The following KANK1 variants were observed in gnomAD, a reference collection of about 807,000 sequenced individuals.
KANK1 encodes KN motif and ankyrin repeat domains 1.
KANK1 carries 109 observed loss-of-function variants against 106.2 expected under a neutral mutation model. The observed-to-expected ratio is 1.03, with a 90% CI of 0.88 to 1.20. The LOEUF (loss-of-function observed/expected upper bound fraction) is 1.20, where lower values mean the gene tolerates loss of function less well. Among genes scored for constraint, KANK1 ranks in the 50% most tolerant of loss-of-function variants. The pLI is 0.00. For missense variants in KANK1, 2,399 were observed against 1,710.7 expected (o/e 1.40, Z -7.10); for synonymous variants, 873 against 652.2 (o/e 1.34, Z -5.16).
chr9:564,783 G>A (rs1817406367), intron 1 of KANK1, among the ~76,000 whole-genome samples: 1 of 152,154 alleles, frequency 6.6e-6, no homozygotes, highest in Non-Finnish European at 1.5e-5. Context: ...TCATATTCTT[G>A]AGAGTCAGCA....
intron 1 of KANK1, among the ~76,000 whole-genome samples, chr9:567,444 A>C (rs1471133332): frequency 6.6e-6 from 1 of 152,236 alleles, no homozygotes; most frequent in Non-Finnish European, 1.5e-5. Flanking sequence ...GTTAAACTAT[A>C]AACTAAATTT....
chr9:570,258 G>A (rs967231222), intron 1 of KANK1, among the ~76,000 whole-genome samples: 2 of 152,164 alleles, frequency 1.3e-5, no homozygotes, highest in African/African-American at 4.8e-5. Context: ...TTTTAAATCC[G>A]TAGCTGTATT....
intron 9 of KANK1, 93 bp downstream of exon 9, chr9:741,027 C>A: frequency 7.1e-7 from 1 of 1,414,812 alleles, no homozygotes; most frequent in Non-Finnish European, 9.6e-7. Context: ...ATAGATGCCA[C>A]GCTTCCACCA....
At chr9:495,016 A>T (rs10974821) in intron 3 of KANK1, among the ~76,000 whole-genome samples, 4,134 of 152,352 alleles carry the variant, frequency 0.027, 187 homozygotes, top group African/African-American at 0.09. Flanking sequence ...TAAGACAGCA[A>T]GTGCAAAGTA....
chr9:597,061 T>C (rs1343387998), intron 1 of KANK1, among the ~76,000 whole-genome samples: 1 of 151,976 alleles, frequency 6.6e-6, no homozygotes, highest in African/African-American at 2.4e-5. Flanking sequence ...TGTAATGTCT[T>C]AGCCATTTTA....
rs1441254524 is a variant in KANK1 at position 745,279 on chromosome 9, C to A, written c.*44C>A. The A allele has an allele frequency of 6.2e-7, 1 of 1,610,834 alleles. No individual in the cohort carries two copies. On this transcript the variant is annotated 3_prime_UTR_variant, in exon 12 of 12. Transcript: ENST00000382297. ...TTATTTACATGCCACTATTAAGCTG[C>A]TAATTGTTCCTGTTGGGGTGACAGA... is the stretch of plus-strand genomic sequence containing the variant.
chr9:630,853 G>A (rs1335313963), intron 1 of KANK1, among the ~76,000 whole-genome samples: 1 of 152,030 alleles, frequency 6.6e-6, no homozygotes, highest in Non-Finnish European at 1.5e-5. Flanking sequence ...TCCTTGGGAG[G>A]CTGAGGCACG....
At chr9:656,260 A>G (rs970290142) in intron 1 of KANK1, among the ~76,000 whole-genome samples, 1 of 152,166 alleles carries the variant, frequency 6.6e-6, no homozygotes, top group Non-Finnish European at 1.5e-5. Flanking sequence ...GAGCCTGTTC[A>G]GAAGGAGAGA....
intron 3 of KANK1, among the ~76,000 whole-genome samples, chr9:719,137 A>T (rs537575867): frequency 9.2e-4 from 140 of 151,428 alleles, no homozygotes; most frequent in African/African-American, 3.2e-3. Flanking sequence ...ATTTTTTTTT[A>T]TTATTATTTT....
At chr9:503,371 C>G (rs1055652262), upstream of KANK1, among the ~76,000 whole-genome samples, 2 of 152,240 alleles carry the variant, frequency 1.3e-5, no homozygotes, top group Admixed American at 1.3e-4. Context: ...GGCAAAGGCG[C>G]TGAGATTCAA....
chr9:480,322 C>A (rs758248686), intron 3 of KANK1, among the ~76,000 whole-genome samples: 1 of 152,208 alleles, frequency 6.6e-6, no homozygotes, highest in Non-Finnish European at 1.5e-5. Flanking sequence ...TCCAGGATAT[C>A]TGAAAATCTC....
intron 1 of KANK1, among the ~76,000 whole-genome samples, chr9:626,656 G>A (rs1198679758): frequency 6.6e-6 from 1 of 152,118 alleles, no homozygotes; most frequent in Non-Finnish European, 1.5e-5. Flanking sequence ...AATTTCTGAG[G>A]GCTGGTTACC....
chr9:525,866 C>T (rs2059768115), intron 1 of KANK1, among the ~76,000 whole-genome samples: 1 of 151,402 alleles, frequency 6.6e-6, no homozygotes, highest in Non-Finnish European at 1.5e-5. Flanking sequence ...TCTTGGAAAA[C>T]TTCACAGTTA....
Position 738,197 on chromosome 9 carries a change from C to G in KANK1, c.3334-88C>G, listed in dbSNP as rs1031265151. On this transcript the variant is annotated intron_variant, in intron 7 of 11. Coordinates refer to ENST00000382297, the MANE Select transcript of KANK1 (RefSeq NM_015158.5). ...TTCTAACTGCATATATATACTTTGA[C>G]TATAAAAGGACAGGTTACTTGTGCT... The G allele has an allele frequency of 2.1e-5, 22 of 1,068,640 alleles. No homozygotes were observed. The South Asian group carries it at 3.4e-4, about 16-fold the overall frequency. 66.2% of individuals were successfully genotyped at this position (1,068,640 alleles called of 1,614,324 possible). A position where few individuals can be genotyped will look rare whatever the true frequency, so the allele number is the denominator to read the frequency against.
intron 1 of KANK1, among the ~76,000 whole-genome samples, chr9:516,075 A>G (rs1246558508): frequency 6.6e-6 from 1 of 151,404 alleles, no homozygotes; most frequent in African/African-American, 2.4e-5. Flanking sequence ...TCCCTTAAAT[A>G]TTATTGGTGT....
intron 1 of KANK1, among the ~76,000 whole-genome samples, chr9:650,813 A>T (rs2137550565): frequency 6.6e-6 from 1 of 152,282 alleles, no homozygotes; most frequent in Middle Eastern, 3.4e-3. Flanking sequence ...GTTGCAGTCC[A>T]TGGATTTGTA....
intron 1 of KANK1, among the ~76,000 whole-genome samples, chr9:536,934 C>T (rs939817312): frequency 6.6e-6 from 1 of 152,130 alleles, no homozygotes; most frequent in Admixed American, 6.5e-5. Context: ...TGCATCTGTT[C>T]CACCTGGCTG....
chr9:509,909 G>A (rs1018546848), intron 1 of KANK1, among the ~76,000 whole-genome samples: 3 of 152,044 alleles, frequency 2.0e-5, no homozygotes, highest in African/African-American at 4.8e-5. Context: ...CAATCCTCCC[G>A]CCTCAGCCTG....
intron 1 of KANK1, among the ~76,000 whole-genome samples, chr9:522,835 A>G (rs925106473): frequency 4.4e-4 from 67 of 151,036 alleles, no homozygotes; most frequent in African/African-American, 1.6e-3. Flanking sequence ...TCACTTCATT[A>G]CTCCTCCCTT....
Sources: allele counts gnomAD v4.1 joint callset (sites outside exome capture counted in the v4.1 genomes callset), GRCh38; gene constraint gnomAD v4.1.1; transcripts MANE v1.5; gene names NCBI Gene and HGNC (gene_info 2026-07-23, HGNC 2026-07-21).